The following PDCD4 variants were observed in gnomAD, a reference collection of about 807,000 sequenced individuals.
PDCD4 encodes programmed cell death 4.
PDCD4 carries 56 observed loss-of-function variants against 54.0 expected under a neutral mutation model. The observed-to-expected ratio is 1.04, with a 90% CI of 0.84 to 1.30. The LOEUF is 1.30. Among genes scored for constraint, PDCD4 ranks in the 50% most tolerant of loss-of-function variants. The probability of loss-of-function intolerance (pLI) is 0.00; values close to 1 mark genes in which losing one functional copy is unlikely to be tolerated. For synonymous variants in PDCD4, 186 were observed against 194.8 expected (o/e 0.95, Z 0.37); for missense variants, 584 against 559.8 (o/e 1.04, Z -0.44).
At chr10:110,887,563 A>G (rs1271526948) in intron 5 of PDCD4, 102 bp from the exon 6 acceptor site, 7 of 688,390 alleles carry the variant, frequency 1.0e-5, no homozygotes, top group African/African-American at 3.6e-5. Flanking sequence ...AGTGAGACGT[A>G]GAGATATATA....
Position 110,894,133 on chromosome 10 carries a change from T to G in PDCD4, c.1033T>G (p.Ser345Ala). The change falls in exon 9 of 12, where the codon TCT becomes GCT. Residue 345 changes from serine (S) to alanine (A), a missense_variant. Ser to Ala is a moderately conservative substitution (Grantham distance 99). Transcript: ENST00000280154. ...AGAATATTTACTCTCTGGAGACATA[T>G]CTGAAGCTGAACATTGCCTTAAGGA... The part of the protein sequence containing the change: ...LKEYLLSGDI[S>A]EAEHCLKELE... 6.2e-7 allele frequency: 1 copy of G among 1,609,878 alleles called. No individual in the cohort carries two copies. Among genetic ancestry groups the G allele is most frequent in the Non-Finnish European group, 8.5e-7 (1 of 1,176,360 alleles).
chr10:110,878,499 G>GT, intron 2 of PDCD4, among the ~76,000 whole-genome samples: 1 of 152,118 alleles, frequency 6.6e-6, no homozygotes, highest in Non-Finnish European at 1.5e-5. Flanking sequence ...GATGTTTAAT[G>GT]TTTTTCTCAA....
chr10:110,874,001 C>T (rs1845464431), intron 1 of PDCD4, among the ~76,000 whole-genome samples: 1 of 152,192 alleles, frequency 6.6e-6, no homozygotes, highest in Admixed American at 6.5e-5. Flanking sequence ...TAAGAAGCTT[C>T]TGTTAACCCT....
chr10:110,892,571 T>G (rs1478832597), intron 8 of PDCD4, among the ~76,000 whole-genome samples: 1 of 152,204 alleles, frequency 6.6e-6, no homozygotes, highest in African/African-American at 2.4e-5. Flanking sequence ...TAATATAATT[T>G]GAATAACAAG....
In PDCD4 at chr10:110,889,020, A is replaced by G. The variant is rs112827962; in HGVS notation, c.778-513A>G. Reference sequence around the variant, plus strand: ...GCCGAGGCAGGCGGATCACGAGGTCAGGAGTTCGAGACCAGCCTGGCCAAG... The same window carrying G: ...GCCGAGGCAGGCGGATCACGAGGTCGGGAGTTCGAGACCAGCCTGGCCAAG... On this transcript the variant is annotated intron_variant, in intron 6 of 11. Coordinates refer to ENST00000280154, the MANE Select transcript of PDCD4 (RefSeq NM_014456.5). 3.9e-5 allele frequency among the ~76,000 whole-genome samples: 6 copies of G among 152,096 alleles called. 1 individual carries two copies. The highest frequency in any genetic ancestry group is 1.4e-4 in the African/African-American group (6 of 41,492).
At position 110,895,969 on chromosome 10, in the gene PDCD4, G is replaced by C. The variant is rs374546633; in HGVS notation, c.1231G>C (p.Glu411Gln). ...MKRGYERIYN[E>Q]IPDINLDVPH... ...GTAGGGTTATGAGAGAATTTACAAT[G>C]AAATTCCGGACATTAATCTGGATGT... Residue 411 changes from glutamate (E) to glutamine (Q), a missense_variant, in exon 11 of 12, where the codon GAA (glutamate) becomes CAA (glutamine). Transcript: ENST00000280154. 4.4e-6 allele frequency: 7 copies of C among 1,601,884 alleles called. No individual in the cohort carries two copies. Among genetic ancestry groups the C allele is most frequent in the Non-Finnish European group, 6.0e-6 (7 of 1,174,312 alleles).
chr10:110,884,483 A>G (rs1288087515), intron 4 of PDCD4, among the ~76,000 whole-genome samples: 1 of 152,108 alleles, frequency 6.6e-6, no homozygotes, highest in Non-Finnish European at 1.5e-5. Flanking sequence ...TTCTGTCACT[A>G]CAACATTGAT....
intron 1 of PDCD4, among the ~76,000 whole-genome samples, chr10:110,872,775 G>A (rs1015666684): frequency 1.3e-5 from 2 of 152,216 alleles, no homozygotes; most frequent in East Asian, 1.9e-4. Context: ...AGAAAACAAA[G>A]CCGGGAAGGG....
rs901977228 is a variant in PDCD4 at position 110,899,098 on chromosome 10, T to C, written c.*1010T>C. On this transcript the variant is annotated 3_prime_UTR_variant, in exon 12 of 12. Transcript: ENST00000280154. ...GACCCAAAGCTTGACATTTACCTAATGTATGAGAAAATATTACCAATTAAC... is the reference window on the plus strand; with the variant it reads ...GACCCAAAGCTTGACATTTACCTAACGTATGAGAAAATATTACCAATTAAC... The C allele has an allele frequency of 6.6e-6, 1 of 152,208 alleles. No homozygotes were observed. The highest frequency in any genetic ancestry group is 2.4e-5 in the African/African-American group (1 of 41,474). 9.4% of individuals were successfully genotyped at this position (152,208 alleles called of 1,614,324 possible). A position where few individuals can be genotyped will look rare whatever the true frequency, so the allele number is the denominator to read the frequency against.
intron 2 of PDCD4, among the ~76,000 whole-genome samples, chr10:110,879,884 A>G (rs1845565336): frequency 1.3e-5 from 2 of 152,300 alleles, no homozygotes; most frequent in Middle Eastern, 3.4e-3. Context: ...AAAGATTTAA[A>G]CACATGTATG....
rs184540386 is a variant in PDCD4, at chr10:110,880,251, A to C, written c.44-982A>C. ...ACTTAGTTGGAAGAAAAAGACTGCT[A>C]TATAAAAAGAAAGTGATTTCCATGA... On this transcript the variant is annotated intron_variant, in intron 2 of 11. Transcript: ENST00000280154. 5.9e-3 allele frequency: 896 copies of C among 152,370 alleles called. 6 individuals are homozygous for C. The highest frequency in any genetic ancestry group is 9.0e-3 in the Non-Finnish European group (613 of 68,056). 9.4% of individuals were successfully genotyped at this position (152,370 alleles called of 1,614,324 possible).
chr10:110,876,901 A>T (rs1845513594), intron 2 of PDCD4: 1 of 378,146 alleles, frequency 2.6e-6, no homozygotes, highest in Admixed American at 4.6e-5. Flanking sequence ...TTTTATTAAT[A>T]TTGAAAGCTA....
intron 2 of PDCD4, 77 bp downstream of exon 2, chr10:110,876,147 A>G: frequency 1.7e-6 from 2 of 1,198,706 alleles, no homozygotes; most frequent in Non-Finnish European, 2.4e-6. Flanking sequence ...GCTGGAGTGC[A>G]GTGGTGTGAT....
At chr10:110,884,144 C>T (rs1465003129) in intron 4 of PDCD4, among the ~76,000 whole-genome samples, 2 of 152,186 alleles carry the variant, frequency 1.3e-5, no homozygotes, top group Non-Finnish European at 2.9e-5. Context: ...GATGAGATCT[C>T]CTGCTGTCCA....
chr10:110,888,036 A>G, intron 6 of PDCD4, 150 bp downstream of exon 6: 2 of 567,430 alleles, frequency 3.5e-6, no homozygotes, highest in Admixed American at 3.4e-5. Flanking sequence ...ATTTTGATGT[A>G]TTTTTTCCTA....
At position 110,881,504 on chromosome 10, in the gene PDCD4, A is replaced by G; in HGVS notation, c.315A>G (p.Arg105=). The G allele has an allele frequency of 6.2e-7, 1 of 1,612,726 alleles. No individual in the cohort carries two copies. Among genetic ancestry groups the G allele is most frequent in the Non-Finnish European group, 8.5e-7 (1 of 1,178,746 alleles). Residue 105 remains arginine (R), a synonymous_variant, in exon 3 of 12, where the codon AGA becomes AGG. Coordinates refer to ENST00000280154, the MANE Select transcript of PDCD4 (RefSeq NM_014456.5). ...PKGRLLDRRS[R]SGKGRGLPKK... is the part of the protein sequence containing the mutation. ...GAAGGTTGCTGGATAGGCGATCCAG[A>G]TCTGGGAAAGGAAGGGGACTACCAA...
intron 2 of PDCD4, among the ~76,000 whole-genome samples, chr10:110,876,294 A>G (rs143377382): frequency 4.6e-5 from 7 of 152,086 alleles, no homozygotes; most frequent in Admixed American, 2.6e-4. Context: ...GGATTTCACT[A>G]TGTTGCCTAG....
intron 2 of PDCD4, chr10:110,876,544 A>G (rs1453975756): frequency 2.6e-6 from 1 of 389,854 alleles, no homozygotes; most frequent in Non-Finnish European, 4.7e-6. Context: ...TATATAGTAC[A>G]GAATAGAGAA....
chr10:110,890,692 T>C, intron 8 of PDCD4, 22 bp downstream of exon 8: 3 of 1,449,494 alleles, frequency 2.1e-6, no homozygotes, highest in Non-Finnish European at 2.9e-6. Flanking sequence ...GTATTGTTTT[T>C]AACTTAATTT....
Sources: allele counts gnomAD v4.1 joint callset (sites outside exome capture counted in the v4.1 genomes callset), GRCh38; gene constraint gnomAD v4.1.1; transcripts MANE v1.5; gene names NCBI Gene and HGNC (gene_info 2026-07-23, HGNC 2026-07-21).